Variants in TPRG1 observed in about 807,000 individuals in gnomAD.
TPRG1 encodes tumor protein p63 regulated 1, also known as tumor protein p63-regulated gene 1 protein.
TPRG1 carries 29 observed loss-of-function variants against 29.3 expected under a neutral mutation model. The observed-to-expected ratio is 0.99, with a 90% CI of 0.74 to 1.35. TPRG1 has a LOEUF of 1.35. Ranked by LOEUF, TPRG1 falls within the 40% of genes most tolerant of loss-of-function variation. TPRG1 has a pLI of 0.00. For synonymous variants in TPRG1, 130 were observed against 116.8 expected, an observed-to-expected ratio of 1.11 and a Z score of -0.73; for missense variants, 327 against 335.0, an observed-to-expected ratio of 0.98 and a Z score of 0.19.
chr3:189,207,580 T>G lies in TPRG1; in HGVS notation c.196T>G (p.Tyr66Asp). 1 of 1,613,976 alleles carries G rather than the reference T, an allele frequency of 6.2e-7. No homozygotes were observed. Among genetic ancestry groups the G allele is most frequent in the Non-Finnish European group, 8.5e-7 (1 of 1,179,878 alleles). ...TCATCAGCCTTATATCTCACGGAAG[T>G]ACTTTGCTACACGGGTAAATTTATT... ...PYHQPYISRK[Y>D]FATRPGAIET... Residue 66 changes from tyrosine to aspartate, a missense_variant, in exon 2 of 6, where the codon TAC becomes GAC. Coordinates refer to ENST00000345063, the MANE Select transcript of TPRG1 (RefSeq NM_198485.4).
chr3:189,256,110 G>A lies in TPRG1; in HGVS notation c.479+17201G>A, dbSNP rs1292610357. ...AGTCTTTTAATTGTGATGTTAGGGT[G>A]TTGATTTTAGATCTTTCCCACTTTG... is the stretch of plus-strand genomic sequence containing the variant. On this transcript the variant is annotated intron_variant, in intron 4 of 5. Transcript: ENST00000345063. 5.3e-5 allele frequency among the ~76,000 whole-genome samples: 8 copies of A among 152,282 alleles called. No homozygotes were observed. The East Asian group carries it at 1.6e-3, about 30-fold the overall frequency.
At chr3:189,079,900 T>A (rs1717472134) in intron 4 of TPRG1, among the ~76,000 whole-genome samples, 1 of 152,224 alleles carries the variant, frequency 6.6e-6, no homozygotes, top group Admixed American at 6.5e-5. Flanking sequence ...ATGCTTCACT[T>A]GTTTGTGGAT....
At chr3:189,075,904 A>C (rs1348855096) in intron 4 of TPRG1, among the ~76,000 whole-genome samples, 1 of 152,258 alleles carries the variant, frequency 6.6e-6, no homozygotes, top group East Asian at 1.9e-4. Context: ...CCATTATTCT[A>C]TACCTGCCAC....
chr3:189,265,051 T>G (rs1358783864), intron 4 of TPRG1, among the ~76,000 whole-genome samples: 3 of 152,208 alleles, frequency 2.0e-5, no homozygotes, highest in Non-Finnish European at 2.9e-5. Context: ...TATTCAAAAA[T>G]TTGAAATGTA....
intron 1 of TPRG1, among the ~76,000 whole-genome samples, chr3:189,181,834 C>G (rs1366571465): frequency 6.6e-6 from 1 of 152,134 alleles, no homozygotes; most frequent in Non-Finnish European, 1.5e-5. Flanking sequence ...CGTTTTCACA[C>G]TGCTGATAAA....
chr3:189,194,367 AG>A (rs1215557809), intron 1 of TPRG1, among the ~76,000 whole-genome samples: 2 of 152,196 alleles, frequency 1.3e-5, no homozygotes, highest in Non-Finnish European at 2.9e-5. Flanking sequence ...ACAGCCTACA[AG>A]TAGCTGCAGT....
intron 4 of TPRG1, among the ~76,000 whole-genome samples, chr3:189,249,192 C>G (rs529814500): frequency 4.0e-5 from 6 of 151,474 alleles, no homozygotes; most frequent in African/African-American, 1.4e-4. Flanking sequence ...CTTGATTTGT[C>G]ATAGATTGAG....
intron 1 of TPRG1, among the ~76,000 whole-genome samples, chr3:189,176,965 G>A (rs886069749): frequency 2.0e-5 from 3 of 152,218 alleles, no homozygotes; most frequent in African/African-American, 7.2e-5. Context: ...TCTGACTTAT[G>A]TTTGAAAGGT....
At chr3:189,117,816 A>T (rs1297877255) in intron 1 of TPRG1, among the ~76,000 whole-genome samples, 1 of 152,212 alleles carries the variant, frequency 6.6e-6, no homozygotes, top group Admixed American at 6.5e-5. Flanking sequence ...CTCCCCAGCC[A>T]TGTGAACTGT....
At chr3:189,119,452 G>A (rs756991206) in intron 1 of TPRG1, among the ~76,000 whole-genome samples, 9 of 152,210 alleles carry the variant, frequency 5.9e-5, no homozygotes, top group African/African-American at 1.9e-4. Flanking sequence ...GGGCACGATT[G>A]CGTTTTGAAA....
intron 1 of TPRG1, among the ~76,000 whole-genome samples, chr3:189,115,378 G>A (rs1721046887): frequency 1.3e-5 from 2 of 152,192 alleles, no homozygotes; most frequent in Admixed American, 1.3e-4. Context: ...GAGAAGTTGA[G>A]CCTTCCACAG....
At chr3:189,143,302 G>A (rs1016854920) in intron 3 of TPRG1, among the ~76,000 whole-genome samples, 8 of 152,164 alleles carry the variant, frequency 5.3e-5, no homozygotes, top group African/African-American at 1.9e-4. Flanking sequence ...GCAGTCAAAG[G>A]ATTTCTCCGA....
At chr3:189,179,583 T>C (rs1293866464) in intron 1 of TPRG1, among the ~76,000 whole-genome samples, 1 of 152,170 alleles carries the variant, frequency 6.6e-6, no homozygotes, top group Admixed American at 6.5e-5. Flanking sequence ...TATCCAGACA[T>C]CTCATAATTA....
intron 4 of TPRG1, among the ~76,000 whole-genome samples, chr3:189,291,599 C>G (rs1035113724): frequency 6.6e-6 from 1 of 152,142 alleles, no homozygotes; most frequent in Non-Finnish European, 1.5e-5. Flanking sequence ...AGTTTTCACA[C>G]TAATTTTTGA....
At chr3:189,034,104 T>C (rs1714110006) in intron 4 of TPRG1, among the ~76,000 whole-genome samples, 1 of 152,178 alleles carries the variant, frequency 6.6e-6, no homozygotes, top group African/African-American at 2.4e-5. Flanking sequence ...AATGCATAAC[T>C]TCTAAGCAAC....
intron 1 of TPRG1, among the ~76,000 whole-genome samples, chr3:189,174,236 G>C (rs780254354): frequency 3.3e-5 from 5 of 152,172 alleles, no homozygotes; most frequent in Non-Finnish European, 5.9e-5. Flanking sequence ...GATGTGCTTT[G>C]TTTGTGCTGC....
chr3:189,147,150 T>C (rs1725370350), intron 3 of TPRG1, among the ~76,000 whole-genome samples: 1 of 152,148 alleles, frequency 6.6e-6, no homozygotes, highest in Non-Finnish European at 1.5e-5. Context: ...CACTACACTA[T>C]CTACAGAAGG....
chr3:189,028,384 T>C lies in TPRG1; in HGVS notation c.-463+4438T>C, dbSNP rs1006152319. Among the ~76,000 whole-genome samples, 7 of 152,300 alleles carry C rather than the reference T, an allele frequency of 4.6e-5. No individual in the cohort carries two copies. In the South Asian group the frequency reaches 1.5e-3, roughly 32 times the overall value. On this transcript the variant is annotated intron_variant, in intron 4 of 10. Transcript: ENST00000433971. ...ATAAGCCACTGAAGATGACCAATAGTGTCACAACTATTTCTTCTATGGGGG... is the reference window on the plus strand; with the variant it reads ...ATAAGCCACTGAAGATGACCAATAGCGTCACAACTATTTCTTCTATGGGGG...
chr3:189,086,160 C>A (rs1163331970), intron 4 of TPRG1, among the ~76,000 whole-genome samples: 3 of 151,826 alleles, frequency 2.0e-5, no homozygotes, highest in African/African-American at 7.3e-5. Flanking sequence ...GGTCCAAAAG[C>A]TGAAGAACTA....
Sources: gnomAD v4.1 joint callset for allele counts (sites outside exome capture counted in the v4.1 genomes callset) on GRCh38, gnomAD v4.1.1 for gene constraint, MANE v1.5 for transcripts, NCBI Gene and HGNC (gene_info 2026-07-23, HGNC 2026-07-21) for gene names.